XKR4: variants seen among roughly 807,000 people sequenced by gnomAD.
The protein encoded by XKR4 is XK related 4.
In XKR4, 12 loss-of-function variants were observed where a neutral mutation model predicts 53.9. The observed-to-expected ratio is 0.22, with a 90% confidence interval of 0.14 to 0.36. XKR4 has a LOEUF of 0.36. Ranked by LOEUF, XKR4 falls within the 10% of genes least tolerant of loss-of-function variation. XKR4 has a pLI of 1.00. For missense variants in XKR4, 799 were observed against 859.5 expected (o/e 0.93, Z 0.88); for synonymous variants, 354 against 362.4 (o/e 0.98, Z 0.26).
At chr8:55,191,354 T>C (rs1396742385) in intron 1 of XKR4, among the ~76,000 whole-genome samples, 2 of 152,208 alleles carry the variant, frequency 1.3e-5, no homozygotes, top group Admixed American at 1.3e-4. Flanking sequence ...ATGTGTTCAA[T>C]TTATATTTAC....
intron 1 of XKR4, among the ~76,000 whole-genome samples, chr8:55,224,918 A>C (rs1046525928): frequency 6.6e-6 from 1 of 152,222 alleles, no homozygotes; most frequent in African/African-American, 2.4e-5. Context: ...AAAGGGGTTA[A>C]AAGACGTTAA....
At chr8:55,475,682 C>T (rs575214497) in intron 2 of XKR4, among the ~76,000 whole-genome samples, 2 of 152,026 alleles carry the variant, frequency 1.3e-5, no homozygotes, top group South Asian at 4.2e-4. Context: ...TGGCTCACTG[C>T]AACCTCCACC....
At chr8:55,108,591 T>A (rs1816187345) in intron 1 of XKR4, among the ~76,000 whole-genome samples, 2 of 152,156 alleles carry the variant, frequency 1.3e-5, no homozygotes, top group African/African-American at 4.8e-5. Context: ...AAGTTTTAAT[T>A]GTATTTATAT....
chr8:55,311,861 A>T (rs1041023665), intron 1 of XKR4, among the ~76,000 whole-genome samples: 2 of 151,228 alleles, frequency 1.3e-5, no homozygotes, highest in African/African-American at 4.8e-5. Flanking sequence ...AGAAAAGAAA[A>T]AGAAAAGAAA....
chr8:55,518,094 G>A (rs534511106), intron 2 of XKR4, among the ~76,000 whole-genome samples: 3 of 152,250 alleles, frequency 2.0e-5, no homozygotes, highest in South Asian at 4.1e-4. Flanking sequence ...CAAAGAATTC[G>A]AGCACTTGGT....
chr8:55,441,965 A>G (rs1323897509), intron 2 of XKR4, among the ~76,000 whole-genome samples: 1 of 152,012 alleles, frequency 6.6e-6, no homozygotes. Flanking sequence ...GAAAATAATA[A>G]GCCCAAAGAA....
chr8:55,155,229 G>C (rs1816888186), intron 1 of XKR4, among the ~76,000 whole-genome samples: 2 of 152,140 alleles, frequency 1.3e-5, no homozygotes, highest in African/African-American at 4.8e-5. Flanking sequence ...GCTGCTCCCA[G>C]ACAGCTGCAG....
chr8:55,272,461 CAG>C (rs1818705202), intron 1 of XKR4, among the ~76,000 whole-genome samples: 1 of 152,158 alleles, frequency 6.6e-6, no homozygotes, highest in Admixed American at 6.5e-5. Context: ...CCATTTGTCA[CAG>C]AGCAAATGGC....
At chr8:55,309,396 A>T (rs1473418501) in intron 1 of XKR4, among the ~76,000 whole-genome samples, 2 of 152,206 alleles carry the variant, frequency 1.3e-5, no homozygotes, top group African/African-American at 2.4e-5. Context: ...GGGGTTGCAA[A>T]GAGTTTAGAA....
At chr8:55,428,775 A>G (rs1000955945) in intron 2 of XKR4, among the ~76,000 whole-genome samples, 1 of 152,200 alleles carries the variant, frequency 6.6e-6, no homozygotes, top group African/African-American at 2.4e-5. Flanking sequence ...AAGAAAGTGA[A>G]AGGGATCTAA....
At chr8:55,242,543 C>T (rs1027765521) in intron 1 of XKR4, among the ~76,000 whole-genome samples, 1 of 152,132 alleles carries the variant, frequency 6.6e-6, no homozygotes, top group Admixed American at 6.5e-5. Context: ...GAGTAAATAA[C>T]AGTATTTTAA....
chr8:55,213,931 C>T (rs998731523), intron 1 of XKR4, among the ~76,000 whole-genome samples: 2 of 142,918 alleles, frequency 1.4e-5, no homozygotes, highest in Non-Finnish European at 3.0e-5. Flanking sequence ...GTGCAATCTC[C>T]GCCCACTGCA....
At chr8:55,399,111 A>G (rs1040558780) in intron 2 of XKR4, among the ~76,000 whole-genome samples, 1 of 152,210 alleles carries the variant, frequency 6.6e-6, no homozygotes, top group African/African-American at 2.4e-5. Context: ...GTTTATCACA[A>G]AGAAAAAGAT....
intron 1 of XKR4, among the ~76,000 whole-genome samples, chr8:55,321,334 GTCT>G (rs571538025): frequency 5.9e-5 from 9 of 152,170 alleles, no homozygotes; most frequent in African/African-American, 1.9e-4. Flanking sequence ...TGTCTCTCTG[GTCT>G]TCTTTACAAC....
intron 1 of XKR4, among the ~76,000 whole-genome samples, chr8:55,176,269 G>T (rs1817233155): frequency 6.6e-6 from 1 of 152,208 alleles, no homozygotes; most frequent in Admixed American, 6.5e-5. Context: ...CAGGGTTGGG[G>T]CTGAGCACTG....
At chr8:55,307,973 G>A (rs1819328725) in intron 1 of XKR4, among the ~76,000 whole-genome samples, 1 of 152,070 alleles carries the variant, frequency 6.6e-6, no homozygotes, top group African/African-American at 2.4e-5. Flanking sequence ...ACTACCAGAG[G>A]GCCAGGCATG....
At chr8:55,368,427 C>G (rs1192737096) in intron 2 of XKR4, among the ~76,000 whole-genome samples, 1 of 152,186 alleles carries the variant, frequency 6.6e-6, no homozygotes, top group Non-Finnish European at 1.5e-5. Context: ...CTCTGGCTGG[C>G]CGTCCTCTGT....
intron 1 of XKR4, among the ~76,000 whole-genome samples, chr8:55,156,459 T>A (rs1816908559): frequency 6.7e-6 from 1 of 148,398 alleles, no homozygotes; most frequent in Admixed American, 6.7e-5. Flanking sequence ...TGGGGTGGGG[T>A]GTGTAAGTCA....
chr8:55,316,868 C>G (rs1451370571), intron 1 of XKR4, among the ~76,000 whole-genome samples: 1 of 152,116 alleles, frequency 6.6e-6, no homozygotes, highest in Non-Finnish European at 1.5e-5. Context: ...TAATGAATTT[C>G]CCTGGTGCAA....
Sources: gnomAD v4.1 joint callset for allele counts (sites outside exome capture counted in the v4.1 genomes callset) on GRCh38, gnomAD v4.1.1 for gene constraint, MANE v1.5 for transcripts, NCBI Gene and HGNC (gene_info 2026-07-23, HGNC 2026-07-21) for gene names.